LPA: variants seen among roughly 807,000 people sequenced by gnomAD.
LPA encodes apolipoprotein(a).
In LPA, 199 loss-of-function variants were observed where a neutral mutation model predicts 197.9. The observed-to-expected ratio is 1.01, with a 90% CI of 0.90 to 1.13. LPA has a LOEUF of 1.13. Ranked by LOEUF, LPA falls within the 50% of genes most tolerant of loss-of-function variation. LPA has a pLI of 0.00. For synonymous variants in LPA, 715 were observed against 639.5 expected (o/e 1.12, Z -1.78); for missense variants, 1,853 against 1,785.8 (o/e 1.04, Z -0.68).
intron 16 of LPA, among the ~76,000 whole-genome samples, chr6:160,610,894 C>A (rs1425777672): frequency 6.6e-6 from 1 of 152,146 alleles, no homozygotes; most frequent in East Asian, 1.9e-4. Flanking sequence ...AACCATTTTT[C>A]CATGTCTTTG....
chr6:160,561,057 C>T (rs1778352953), intron 28 of LPA, among the ~76,000 whole-genome samples: 1 of 152,096 alleles, frequency 6.6e-6, no homozygotes, highest in Admixed American at 6.6e-5. Context: ...CTACAGGTGC[C>T]CACGACCACA....
At chr6:160,563,530 G>A (rs530448118) in intron 28 of LPA, among the ~76,000 whole-genome samples, 1 of 152,194 alleles carries the variant, frequency 6.6e-6, no homozygotes, top group African/African-American at 2.4e-5. Flanking sequence ...GTGCTGAGAA[G>A]AATGTATATT....
At chr6:160,653,481 A>C (rs1254551200) in intron 1 of LPA, among the ~76,000 whole-genome samples, 1 of 129,740 alleles carries the variant, frequency 7.7e-6, no homozygotes, top group Non-Finnish European at 1.6e-5. Flanking sequence ...GAGTACATGA[A>C]AGTGAGTTTT....
At chr6:160,574,289 G>C (rs752110489) in intron 28 of LPA, among the ~76,000 whole-genome samples, 1 of 151,860 alleles carries the variant, frequency 6.6e-6, no homozygotes, top group African/African-American at 2.4e-5. Context: ...TCCAGGTGGG[G>C]GGAAAGTCAG....
intron 24 of LPA, among the ~76,000 whole-genome samples, chr6:160,587,801 T>TGTGTGTGTGTGTTTCTG (rs1562333102): frequency 5.6e-4 from 45 of 79,706 alleles, no homozygotes; most frequent in African/African-American, 1.7e-3. Context: ...GTGTGTGTGT[T>TGTGTGTGTGTGTTTCTG]TCTGTCTGTT....
intron 21 of LPA, 44 bp from the exon 22 acceptor site, chr6:160,594,161 C>T (rs1006343947): frequency 6.2e-7 from 1 of 1,610,500 alleles, no homozygotes. Flanking sequence ...ATTTCTAGAA[C>T]ACAGAAGCAT....
chr6:160,647,785 T>A lies in LPA; in HGVS notation c.210-1390A>T, dbSNP rs74208085. ...TGCTACATGTTCAAATTTTTACTTC[T>A]ACATATGGTAAAGTTAAATATATTG... On this transcript the variant is annotated intron_variant, in intron 2 of 38. Coordinates refer to ENST00000316300, the MANE Select transcript of LPA (RefSeq NM_005577.4). 6.6e-4 allele frequency among the ~76,000 whole-genome samples: 101 copies of A among 152,362 alleles called. No homozygotes were observed. The East Asian group carries it at 0.015, about 22-fold the overall frequency.
intron 16 of LPA, among the ~76,000 whole-genome samples, chr6:160,608,317 T>C (rs1332385749): frequency 6.6e-6 from 1 of 152,152 alleles, no homozygotes; most frequent in African/African-American, 2.4e-5. Context: ...AACATACATT[T>C]ATGCAGCATG....
At chr6:160,655,421 CA>C (rs1780115536) in intron 1 of LPA, among the ~76,000 whole-genome samples, 1 of 152,214 alleles carries the variant, frequency 6.6e-6, no homozygotes, top group African/African-American at 2.4e-5. Context: ...GCAGCTTTCA[CA>C]GCAGCCTGGA....
rs200079173 is a variant in LPA at position 160,599,673 on chromosome 6, A to G, written c.3128-14T>C. ...CCTCAGTCAGTGCTGAAATTAAAAC[A>G]GAAGACATCAAGCTTATTATTTCCT... On this transcript the variant is annotated splice_polypyrimidine_tract_variant and intron_variant, in intron 19 of 38. Coordinates refer to ENST00000316300, the MANE Select transcript of LPA (RefSeq NM_005577.4). 65 of 1,613,822 alleles carry G rather than the reference A, an allele frequency of 4.0e-5. 1 individual carries two copies. The highest frequency in any genetic ancestry group is 5.2e-5 in the Non-Finnish European group (61 of 1,179,860).
At chr6:160,531,930 T>C (rs1461432887) in intron 38 of LPA, 40 bp from the exon 39 acceptor site, 1 of 1,609,720 alleles carries the variant, frequency 6.2e-7, no homozygotes, top group Admixed American at 1.7e-5. Context: ...AGCTTTAAGC[T>C]GCCAACCTTT....
chr6:160,554,911 C>A (rs952386043), intron 30 of LPA, among the ~76,000 whole-genome samples: 3 of 152,104 alleles, frequency 2.0e-5, no homozygotes, highest in African/African-American at 7.2e-5. Flanking sequence ...CCCTTCAGTC[C>A]AGGAAGGTTC....
At chr6:160,542,639 G>A in intron 34 of LPA, 49 bp downstream of exon 34, 1 of 1,610,822 alleles carries the variant, frequency 6.2e-7, no homozygotes, top group Non-Finnish European at 8.5e-7. Flanking sequence ...AGGGTTTTGT[G>A]GGGCTTACAT....
At chr6:160,582,212 CT>C (rs922533415) in intron 26 of LPA, among the ~76,000 whole-genome samples, 20 of 151,130 alleles carry the variant, frequency 1.3e-4, no homozygotes, top group Non-Finnish European at 2.4e-4. Context: ...CTGACTTGAT[CT>C]TTTTTTTTCT....
Position 160,557,474 on chromosome 6 carries a change from T to C in LPA, c.4729A>G (p.Thr1577Ala). Reference protein sequence around the residue: ...PCVRWEYCNLTQCSETESGVL... With the variant: ...PCVRWEYCNLAQCSETESGVL... Reference sequence around the variant, plus strand: ...CCTGATTCTGTTTCTGAGCATTGTGTCAGATTGCAGTACTCCCACCTCACA... The same window carrying C: ...CCTGATTCTGTTTCTGAGCATTGTGCCAGATTGCAGTACTCCCACCTCACA... The change falls in exon 29 of 39, where the codon ACA becomes GCA. Residue 1577 changes from threonine (T) to alanine (A), a missense_variant. This residue lies in a region of LPA where 1,737 missense variants were observed against 1,504.4 expected (regional missense o/e 1.15). Coordinates refer to ENST00000316300, the MANE Select transcript of LPA (RefSeq NM_005577.4). The C allele has an allele frequency of 1.2e-6, 2 of 1,614,100 alleles. No individual in the cohort carries two copies. Among genetic ancestry groups the C allele is most frequent in the Non-Finnish European group, 1.7e-6 (2 of 1,180,022 alleles).
In LPA at chr6:160,588,744, A is replaced by G. The variant is rs979768460; in HGVS notation, c.3947+809T>C. Among the ~76,000 whole-genome samples, 3 of 152,108 alleles carry G rather than the reference A, an allele frequency of 2.0e-5. No individual in the cohort carries two copies. The East Asian group carries it at 5.8e-4, about 29-fold the overall frequency. ...CAGTCTCTCTCCTCAGTTAAGCAAGACTGCTGTGGTCAGCTGGGCTCCATC... is the reference window on the plus strand; with the variant it reads ...CAGTCTCTCTCCTCAGTTAAGCAAGGCTGCTGTGGTCAGCTGGGCTCCATC... On this transcript the variant is annotated intron_variant, in intron 24 of 38. Coordinates refer to ENST00000316300, the MANE Select transcript of LPA (RefSeq NM_005577.4).
chr6:160,653,967 TATATATAATATATAATATATA>T (rs1285349992), intron 1 of LPA, among the ~76,000 whole-genome samples: 1 of 24,488 alleles, frequency 4.1e-5, no homozygotes, highest in African/African-American at 1.7e-4. Flanking sequence ...TAATATATAT[TATATATAATATATAATATATA>T]ATATATATTA....
intron 28 of LPA, among the ~76,000 whole-genome samples, chr6:160,561,664 A>G (rs1260763703): frequency 2.0e-5 from 3 of 152,216 alleles, no homozygotes; most frequent in Non-Finnish European, 4.4e-5. Context: ...TTTGGGCAGT[A>G]TGGCAATTTT....
intron 22 of LPA, among the ~76,000 whole-genome samples, chr6:160,592,216 T>C (rs899714832): frequency 2.0e-5 from 3 of 150,486 alleles, no homozygotes; most frequent in African/African-American, 4.8e-5. Flanking sequence ...ATTGGTTCAG[T>C]CATTGTGTGT....
Sources: gnomAD v4.1 joint callset for allele counts (sites outside exome capture counted in the v4.1 genomes callset) on GRCh38, gnomAD v4.1.1 for gene constraint, gnomAD v4.1.1 regional missense constraint, MANE v1.5 for transcripts, NCBI Gene and HGNC (gene_info 2026-07-23, HGNC 2026-07-21) for gene names.